NID1: variants seen among roughly 807,000 people sequenced by gnomAD.
NID1 encodes nidogen 1.
In NID1, 76 loss-of-function variants were observed where a neutral mutation model predicts 130.6. That is an observed-to-expected ratio of 0.58 (90% CI 0.48 to 0.70). NID1 has a LOEUF of 0.70. Among genes scored for constraint, NID1 ranks in the 30% least tolerant of loss-of-function variants. The pLI is 0.00. For synonymous variants in NID1, 665 were observed against 675.1 expected, an observed-to-expected ratio of 0.98 and a Z score of 0.23; for missense variants, 1,517 against 1,664.8, an observed-to-expected ratio of 0.91 and a Z score of 1.54.
chr1:235,981,503 T>C, intron 16 of NID1, 108 bp downstream of exon 16: 1 of 1,220,016 alleles, frequency 8.2e-7, no homozygotes, highest in Admixed American at 2.2e-5. Context: ...CGTCCCGTAC[T>C]CATTAATTTC....
intron 15 of NID1, 26 bp from the exon 16 acceptor site, chr1:235,981,808 A>AAGCAAGCC: frequency 6.4e-7 from 1 of 1,567,378 alleles, no homozygotes; most frequent in Non-Finnish European, 8.6e-7. Flanking sequence ...GAGCTCCTCT[A>AAGCAAGCC]ATTTTTTTTG....
chr1:236,056,215 C>A (rs1274293722), intron 1 of NID1, among the ~76,000 whole-genome samples: 1 of 152,138 alleles, frequency 6.6e-6, no homozygotes, highest in Non-Finnish European at 1.5e-5. Flanking sequence ...GGAAAAACTC[C>A]TTGATATTGA....
chr1:236,063,201 G>T (rs1484288464), intron 1 of NID1, among the ~76,000 whole-genome samples: 3 of 150,454 alleles, frequency 2.0e-5, no homozygotes, highest in Non-Finnish European at 4.4e-5. Flanking sequence ...GCCAGGCATG[G>T]TGGCTCATGC....
chr1:236,050,277 G>C (rs189719998), intron 1 of NID1, among the ~76,000 whole-genome samples: 4 of 152,298 alleles, frequency 2.6e-5, no homozygotes, highest in South Asian at 2.1e-4. Context: ...TCACTGGCCA[G>C]GTGTGGTGGC....
At chr1:235,992,046 G>T (rs532877309) in intron 13 of NID1, among the ~76,000 whole-genome samples, 4 of 152,274 alleles carry the variant, frequency 2.6e-5, no homozygotes, top group Non-Finnish European at 5.9e-5. Context: ...AATGTCCCAG[G>T]AGGGACACAC....
At position 236,012,015 on chromosome 1, in the gene NID1, A is replaced by G. The variant is rs756580874; in HGVS notation, c.2433T>C (p.Cys811=). The G allele has an allele frequency of 2.9e-5, 47 of 1,614,066 alleles. No individual in the cohort carries two copies. Among genetic ancestry groups the G allele is most frequent in the Middle Eastern group, 3.3e-4 (2 of 6,062 alleles). The part of the protein sequence containing the change: ...QDVDECQPSR[C]HPDAFCYNTP... ...TGTTGTAGCAGAAGGCGTCAGGGTG[A>G]CATCGGCTTGGCTGGCATTCATCTA... is the stretch of plus-strand genomic sequence containing the variant. Residue 811 remains cysteine (C), a synonymous_variant, in exon 12 of 20, where the codon TGT becomes TGC. Coordinates refer to ENST00000264187, the MANE Select transcript of NID1 (RefSeq NM_002508.3).
intron 1 of NID1, chr1:236,064,541 G>A: frequency 6.2e-6 from 2 of 325,172 alleles, no homozygotes; most frequent in Admixed American, 5.3e-5. Flanking sequence ...GAGGGACGCG[G>A]ACTGACCTCC....
At chr1:236,021,204 G>C (rs1658750810) in intron 9 of NID1, among the ~76,000 whole-genome samples, 1 of 152,182 alleles carries the variant, frequency 6.6e-6, no homozygotes, top group Non-Finnish European at 1.5e-5. Context: ...ACAGCATCAT[G>C]CTGCTTTGAA....
At position 235,985,474 on chromosome 1, in the gene NID1, C is replaced by G; in HGVS notation, c.2960G>C (p.Cys987Ser). 6.2e-7 allele frequency: 1 copy of G among 1,614,154 alleles called. No individual in the cohort carries two copies. ...AKVIIGLAFD[C>S]VDKMVYWTDI... ...CGTCCAGTAAACCATCTTGTCCACGCAGTCAAAGGCCAGTCCAATGATGAC... is the reference window on the plus strand; with the variant it reads ...CGTCCAGTAAACCATCTTGTCCACGGAGTCAAAGGCCAGTCCAATGATGAC... Residue 987 changes from cysteine to serine, a missense_variant, in exon 15 of 20, where the codon TGC becomes TCC. Cys to Ser is a moderately radical substitution (Grantham distance 112). Coordinates refer to ENST00000264187, the MANE Select transcript of NID1 (RefSeq NM_002508.3).
intron 10 of NID1, among the ~76,000 whole-genome samples, chr1:236,015,647 C>CAA (rs71559908): frequency 0.16 from 12,906 of 79,920 alleles, 2,103 homozygotes; most frequent in East Asian, 0.44. Flanking sequence ...AACCCTGTCT[C>CAA]AAAAAAAAAA....
intron 14 of NID1, 52 bp from the exon 15 acceptor site, chr1:235,985,557 T>C (rs1296592295): frequency 5.5e-5 from 88 of 1,601,474 alleles, no homozygotes; most frequent in Non-Finnish European, 7.2e-5. Flanking sequence ...CATCTGATAG[T>C]GAGAATCTTT....
chr1:236,049,757 T>C (rs910887577), intron 1 of NID1, among the ~76,000 whole-genome samples: 1 of 152,156 alleles, frequency 6.6e-6, no homozygotes, highest in South Asian at 2.1e-4. Context: ...TAGGTACTAC[T>C]GGCCGGGCGT....
At chr1:236,023,030 GC>G (rs1417679683) in intron 9 of NID1, among the ~76,000 whole-genome samples, 1 of 148,856 alleles carries the variant, frequency 6.7e-6, no homozygotes, top group Non-Finnish European at 1.5e-5. Flanking sequence ...CTGCACTCCA[GC>G]CTGAGCGACA....
intron 6 of NID1, 141 bp downstream of exon 6, chr1:236,032,260 A>C: frequency 1.0e-6 from 1 of 961,342 alleles, no homozygotes; most frequent in Non-Finnish European, 1.6e-6. Flanking sequence ...GAACTACAGG[A>C]TGCCCTGTCT....
At chr1:236,057,348 T>A (rs899826454) in intron 1 of NID1, among the ~76,000 whole-genome samples, 1 of 152,038 alleles carries the variant, frequency 6.6e-6, no homozygotes, top group Admixed American at 6.6e-5. Flanking sequence ...AGAAAAAAAT[T>A]TTAGATTGCT....
rs1428365514 is a variant in NID1 at position 236,041,967 on chromosome 1, A to G, written c.1078T>C (p.Phe360Leu). ...ATGACCTGAGGGTGCTGCTGGTGAA[A>G]AGTCTCCACTGCCAACTGGAAAGAC... ...TRSFQLAVETFHQQHPQVIDV... is the reference protein window; with the variant it reads ...TRSFQLAVETLHQQHPQVIDV... The change falls in exon 4 of 20, where the codon TTT (phenylalanine) becomes CTT (leucine). Residue 360 changes from phenylalanine (F) to leucine (L), a missense_variant. Physicochemically the swap from Phe to Leu is conservative, Grantham distance 22. This residue lies in a region of NID1 where 1,329 missense variants were observed against 1,429.2 expected (regional missense o/e 0.93). Coordinates refer to ENST00000264187, the MANE Select transcript of NID1 (RefSeq NM_002508.3). The G allele has an allele frequency of 6.2e-7, 1 of 1,613,898 alleles. No homozygotes were observed. The highest frequency in any genetic ancestry group is 8.5e-7 in the Non-Finnish European group (1 of 1,179,950).
intron 5 of NID1, among the ~76,000 whole-genome samples, chr1:236,033,523 T>A (rs891366606): frequency 2.0e-5 from 3 of 152,124 alleles, no homozygotes; most frequent in African/African-American, 7.2e-5. Context: ...CACAGACAAG[T>A]ACAGAGTCAC....
At chr1:236,040,600 T>TA (rs1483804373) in intron 4 of NID1, among the ~76,000 whole-genome samples, 1 of 151,938 alleles carries the variant, frequency 6.6e-6, no homozygotes, top group Non-Finnish European at 1.5e-5. Context: ...ATATGAGTCT[T>TA]AGTGGATTCC....
rs201558092 is a variant in NID1, at chr1:236,059,207, C to G, written c.225+5648G>C. Among the ~76,000 whole-genome samples, 6 of 152,276 alleles carry G rather than the reference C, an allele frequency of 3.9e-5. No homozygotes were observed. In the East Asian group the frequency reaches 1.2e-3, roughly 29 times the overall value. ...TACACTTGGCTGCCTAGTTTAGAGA[C>G]ACTGGGGGCAAAAGTCATGCAAGTT... On this transcript the variant is annotated intron_variant, in intron 1 of 19. Coordinates refer to ENST00000264187, the MANE Select transcript of NID1 (RefSeq NM_002508.3).
Sources: gnomAD v4.1 joint callset for allele counts (sites outside exome capture counted in the v4.1 genomes callset) on GRCh38, gnomAD v4.1.1 for gene constraint, gnomAD v4.1.1 regional missense constraint, MANE v1.5 for transcripts, NCBI Gene and HGNC (gene_info 2026-07-23, HGNC 2026-07-21) for gene names.